RNF150: variants seen among roughly 807,000 people sequenced by gnomAD.
The protein encoded by RNF150 is ring finger protein 150.
In RNF150, 24 loss-of-function variants were observed where a neutral mutation model predicts 39.3. That is an observed-to-expected ratio of 0.61 (90% CI 0.44 to 0.86). RNF150 has a LOEUF of 0.86. Among genes scored for constraint, RNF150 ranks in the 40% least tolerant of loss-of-function variants. The probability of loss-of-function intolerance (pLI) is 0.00; values close to 1 mark genes in which losing one functional copy is unlikely to be tolerated. For synonymous variants in RNF150, 255 were observed against 227.3 expected, an observed-to-expected ratio of 1.12 and a Z score of -1.10; for missense variants, 502 against 587.8, an observed-to-expected ratio of 0.85 and a Z score of 1.51.
At position 140,911,239 on chromosome 4, in the gene RNF150, G is replaced by A. The variant is rs1235844758; in HGVS notation, c.1103C>T (p.Thr368Ile). 4.3e-6 allele frequency: 7 copies of A among 1,614,152 alleles called. No individual in the cohort carries two copies. The highest frequency in any genetic ancestry group is 1.7e-5 in the Admixed American group (1 of 60,032). ...SDTTVNESSV[T>I]LDPAVRTVGA... ...CACAGTCCGGACAGCAGGGTCCAAA[G>A]TGACTGAACTTTCATTCACTGTTGT... The change falls in exon 6 of 7, where the codon ACT becomes ATT. Residue 368 changes from threonine (T) to isoleucine (I), a missense_variant. Thr to Ile is a moderately conservative substitution (Grantham distance 89). Transcript: ENST00000515673.
At chr4:141,062,756 G>A (rs1161990440) in intron 1 of RNF150, among the ~76,000 whole-genome samples, 2 of 152,002 alleles carry the variant, frequency 1.3e-5, no homozygotes, top group African/African-American at 2.4e-5. Flanking sequence ...TGAGATTTGG[G>A]GTATGAATGA....
At position 141,044,771 on chromosome 4, in the gene RNF150, G is replaced by GCACACACACACACACACACA. The variant is rs71584391; in HGVS notation, c.485-76899_485-76898insTGTGTGTGTGTGTGTGTGTG. Among the ~76,000 whole-genome samples, 246 of 146,632 alleles carry GCACACACACACACACACACA rather than the reference G, an allele frequency of 1.7e-3. 2 individuals carry two copies. The highest frequency in any genetic ancestry group is 5.9e-3 in the African/African-American group (226 of 38,452). On this transcript the variant is annotated intron_variant, in intron 1 of 6. Transcript: ENST00000515673. ...GAGCTCATGCATGCGGGTGTGCAGCGCACACACACACGCACACACACACAC... is the reference window on the plus strand; with the variant it reads ...GAGCTCATGCATGCGGGTGTGCAGCGCACACACACACACACACACACACACACACACGCACACACACACAC...
intron 2 of RNF150, among the ~76,000 whole-genome samples, chr4:140,951,429 GCATACACACA>G (rs1560983293): frequency 3.9e-5 from 6 of 152,048 alleles, no homozygotes; most frequent in African/African-American, 1.4e-4. Context: ...ACATGTGTGC[GCATACACACA>G]CGTACACACA....
At chr4:141,181,748 C>G (rs1228544338) in intron 1 of RNF150, among the ~76,000 whole-genome samples, 1 of 152,158 alleles carries the variant, frequency 6.6e-6, no homozygotes, top group Non-Finnish European at 1.5e-5. Flanking sequence ...GTTTATCTGA[C>G]ACATATTTAA....
intron 1 of RNF150, among the ~76,000 whole-genome samples, chr4:141,101,474 G>A (rs1241078413): frequency 6.6e-6 from 1 of 152,124 alleles, no homozygotes; most frequent in African/African-American, 2.4e-5. Flanking sequence ...CATTTCCTGT[G>A]ATGACAATGC....
At chr4:141,038,677 C>T (rs1736239571) in intron 1 of RNF150, among the ~76,000 whole-genome samples, 1 of 151,198 alleles carries the variant, frequency 6.6e-6, no homozygotes, top group Non-Finnish European at 1.5e-5. Context: ...GGCAAGACAG[C>T]AAGACCCTCC....
At chr4:140,929,744 T>G (rs1055608192) in intron 4 of RNF150, among the ~76,000 whole-genome samples, 4 of 152,188 alleles carry the variant, frequency 2.6e-5, no homozygotes, top group Non-Finnish European at 4.4e-5. Flanking sequence ...GATGTTGCTA[T>G]GAAGGCATTT....
At chr4:140,919,846 T>C (rs1388661182) in intron 5 of RNF150, among the ~76,000 whole-genome samples, 6 of 151,944 alleles carry the variant, frequency 3.9e-5, no homozygotes, top group East Asian at 1.9e-4. Context: ...GAGATATAGA[T>C]CAATGGAACA....
intron 2 of RNF150, among the ~76,000 whole-genome samples, chr4:140,952,885 G>A (rs1175646145): frequency 6.6e-6 from 1 of 152,134 alleles, no homozygotes; most frequent in Non-Finnish European, 1.5e-5. Context: ...ATTGTTAGGC[G>A]ATTTCGTCAC....
intron 1 of RNF150, among the ~76,000 whole-genome samples, chr4:141,172,563 C>A (rs1727747761): frequency 6.6e-6 from 1 of 151,982 alleles, no homozygotes; most frequent in African/African-American, 2.4e-5. Context: ...AAACCTGTAC[C>A]CTGTACGAGA....
intron 5 of RNF150, among the ~76,000 whole-genome samples, chr4:140,924,815 G>T (rs1731323008): frequency 6.6e-6 from 1 of 152,192 alleles, no homozygotes; most frequent in Non-Finnish European, 1.5e-5. Flanking sequence ...AGTCACACAA[G>T]TTGATGTGTG....
At chr4:141,001,080 C>T (rs935023332) in intron 1 of RNF150, among the ~76,000 whole-genome samples, 1 of 152,154 alleles carries the variant, frequency 6.6e-6, no homozygotes, top group Non-Finnish European at 1.5e-5. Flanking sequence ...AGATTCAACA[C>T]ATTAAGATAT....
chr4:141,030,464 C>A (rs939411969), intron 1 of RNF150, among the ~76,000 whole-genome samples: 51 of 152,070 alleles, frequency 3.4e-4, no homozygotes, highest in Admixed American at 4.6e-4. Context: ...GTATACACCC[C>A]AAAGTACTGA....
At chr4:141,149,870 T>G (rs950859908) in intron 1 of RNF150, among the ~76,000 whole-genome samples, 1 of 152,218 alleles carries the variant, frequency 6.6e-6, no homozygotes, top group Non-Finnish European at 1.5e-5. Context: ...AAAGTGTTCC[T>G]TTTCACCACA....
chr4:141,060,168 C>T (rs1299482155), intron 1 of RNF150, among the ~76,000 whole-genome samples: 2 of 152,152 alleles, frequency 1.3e-5, no homozygotes, highest in African/African-American at 2.4e-5. Context: ...TGTTCAGACA[C>T]AGTGGCTCAC....
intron 1 of RNF150, among the ~76,000 whole-genome samples, chr4:141,191,008 G>T (rs908677891): frequency 6.6e-6 from 1 of 152,080 alleles, no homozygotes; most frequent in Admixed American, 6.5e-5. Context: ...TCAACACTGT[G>T]TACCTTCCCC....
chr4:141,207,494 C>CAAAGATGA (rs958260263), intron 1 of RNF150, among the ~76,000 whole-genome samples: 3 of 152,036 alleles, frequency 2.0e-5, no homozygotes, highest in African/African-American at 7.3e-5. Flanking sequence ...CCTCTGAGAG[C>CAAAGATGA]AAAGATGAGC....
intron 4 of RNF150, among the ~76,000 whole-genome samples, chr4:140,931,096 C>G (rs776538813): frequency 2.0e-5 from 3 of 150,654 alleles, no homozygotes; most frequent in African/African-American, 7.3e-5. Context: ...AGAGAAGGGG[C>G]GGGGAAAGGG....
chr4:140,885,625 G>A (rs1277371774), intron 6 of RNF150, among the ~76,000 whole-genome samples: 1 of 150,878 alleles, frequency 6.6e-6, no homozygotes, highest in African/African-American at 2.4e-5. Context: ...TAGTAGAGAC[G>A]GGGTTTCTCC....
Sources: gnomAD v4.1 joint callset for allele counts (sites outside exome capture counted in the v4.1 genomes callset) on GRCh38, gnomAD v4.1.1 for gene constraint, MANE v1.5 for transcripts, NCBI Gene and HGNC (gene_info 2026-07-23, HGNC 2026-07-21) for gene names.